RIMS2: variants seen among roughly 807,000 people sequenced by gnomAD.
RIMS2 encodes regulating synaptic membrane exocytosis 2.
Under a neutral mutation model 174.4 loss-of-function variants are expected in RIMS2, and 59 were observed. The observed-to-expected ratio is 0.34, with a 90% confidence interval of 0.27 to 0.42. The LOEUF is 0.42. RIMS2 is among the 10% of genes least tolerant of loss of function. RIMS2 has a pLI of 1.00. For missense variants in RIMS2, 1,620 were observed against 1,666.3 expected (o/e 0.97, Z 0.48); for synonymous variants, 606 against 572.5 (o/e 1.06, Z -0.84).
At chr8:103,672,258 A>G (rs1214959838) in intron 1 of RIMS2, among the ~76,000 whole-genome samples, 4 of 151,796 alleles carry the variant, frequency 2.6e-5, no homozygotes, top group Non-Finnish European at 5.9e-5. Flanking sequence ...TTTATCTACT[A>G]TCTCTTATTA....
chr8:103,977,568 C>G (rs1197396704), intron 16 of RIMS2: 1 of 152,170 alleles, frequency 6.6e-6, no homozygotes, highest in Non-Finnish European at 1.5e-5. Flanking sequence ...GACTTGCCAG[C>G]AGAAAGCACC....
At position 104,217,478 on chromosome 8, in the gene RIMS2, A is replaced by C. The variant is rs988743053; in HGVS notation, c.3335-27438A>C. On this transcript the variant is annotated intron_variant, in intron 19 of 23. Transcript: ENST00000504942. Reference sequence around the variant, plus strand: ...GAGATAAGGTTTCACCTTGTTGCCCAGACTGGTCTTGAGCTCCTGAGCTCA... The same window carrying C: ...GAGATAAGGTTTCACCTTGTTGCCCCGACTGGTCTTGAGCTCCTGAGCTCA... 3.3e-5 allele frequency among the ~76,000 whole-genome samples: 5 copies of C among 152,170 alleles called. No homozygotes were observed. In the South Asian group the frequency reaches 1.0e-3, roughly 31 times the overall value.
At chr8:104,165,392 C>T (rs1318757140) in intron 19 of RIMS2, among the ~76,000 whole-genome samples, 1 of 151,888 alleles carries the variant, frequency 6.6e-6, no homozygotes, top group East Asian at 1.9e-4. Flanking sequence ...TTCCTTAGAC[C>T]TACTTCTTAG....
At chr8:103,807,114 A>G (rs977609989) in intron 3 of RIMS2, among the ~76,000 whole-genome samples, 1 of 152,132 alleles carries the variant, frequency 6.6e-6, no homozygotes, top group African/African-American at 2.4e-5. Flanking sequence ...AGCTGTAAAT[A>G]AAAAGAGCAG....
chr8:103,961,279 C>A, intron 15 of RIMS2, 146 bp downstream of exon 17: 2 of 573,754 alleles, frequency 3.5e-6, no homozygotes, highest in Non-Finnish European at 3.1e-6. Context: ...ACAACTTAAA[C>A]CCCTGAGTAA....
intron 3 of RIMS2, among the ~76,000 whole-genome samples, chr8:103,785,730 T>C (rs1002922667): frequency 1.3e-5 from 2 of 152,232 alleles, no homozygotes; most frequent in Non-Finnish European, 2.9e-5. Context: ...TCTAAAAATC[T>C]CTTTGTTTGT....
intron 19 of RIMS2, among the ~76,000 whole-genome samples, chr8:104,027,170 A>G (rs4573242): frequency 0.18 from 27,136 of 152,178 alleles, 2,747 homozygotes; most frequent in South Asian, 0.34. Flanking sequence ...CAATTCAGTC[A>G]TCCGGTATTT....
At chr8:104,133,166 G>A (rs964769295) in intron 19 of RIMS2, among the ~76,000 whole-genome samples, 2 of 152,142 alleles carry the variant, frequency 1.3e-5, no homozygotes, top group African/African-American at 4.8e-5. Context: ...ATCTGTATTT[G>A]TACCATTTTA....
intron 19 of RIMS2, among the ~76,000 whole-genome samples, chr8:104,202,948 C>T (rs929989563): frequency 6.6e-5 from 10 of 152,148 alleles, no homozygotes; most frequent in African/African-American, 1.9e-4. Flanking sequence ...ACTCTCATGA[C>T]CCTGGAAGTA....
intron 1 of RIMS2, among the ~76,000 whole-genome samples, chr8:103,641,648 G>A (rs974243725): frequency 2.6e-5 from 4 of 152,072 alleles, no homozygotes; most frequent in Non-Finnish European, 5.9e-5. Flanking sequence ...TCATGGAGGT[G>A]TATCCCTCAT....
At chr8:104,188,971 T>C (rs2098983527) in intron 19 of RIMS2, among the ~76,000 whole-genome samples, 1 of 152,014 alleles carries the variant, frequency 6.6e-6, no homozygotes, top group Non-Finnish European at 1.5e-5. Context: ...CACCAATGTC[T>C]ACAAATTGTT....
chr8:104,206,707 T>C (rs551707633), intron 19 of RIMS2, among the ~76,000 whole-genome samples: 8 of 152,196 alleles, frequency 5.3e-5, no homozygotes, highest in Non-Finnish European at 1.0e-4. Context: ...CTGGGACATA[T>C]ACCCAAGCCT....
intron 19 of RIMS2, among the ~76,000 whole-genome samples, chr8:104,030,998 A>G (rs1417878186): frequency 6.6e-6 from 1 of 152,120 alleles, no homozygotes; most frequent in Non-Finnish European, 1.5e-5. Flanking sequence ...GGTGCTGAAT[A>G]TATATTTATT....
chr8:104,118,103 A>ATAAG (rs2098309655), intron 19 of RIMS2, among the ~76,000 whole-genome samples: 1 of 152,186 alleles, frequency 6.6e-6, no homozygotes, highest in South Asian at 2.1e-4. Context: ...AATACTTCCA[A>ATAAG]TAAGTAACAA....
chr8:103,769,241 G>A (rs886370380), intron 3 of RIMS2, among the ~76,000 whole-genome samples: 7 of 152,148 alleles, frequency 4.6e-5, no homozygotes, highest in Non-Finnish European at 1.0e-4. Flanking sequence ...AGTTACGTGT[G>A]TTAAAAATAA....
intron 16 of RIMS2, among the ~76,000 whole-genome samples, chr8:103,981,115 G>A (rs576264371): frequency 7.9e-5 from 12 of 152,240 alleles, no homozygotes; most frequent in Admixed American, 3.3e-4. Context: ...GGTTACAGTC[G>A]GCCTTGGGCA....
intron 17 of RIMS2, among the ~76,000 whole-genome samples, chr8:104,003,889 G>A (rs910085624): frequency 1.3e-5 from 2 of 152,170 alleles, no homozygotes; most frequent in Admixed American, 1.3e-4. Flanking sequence ...GCAAAAGAGA[G>A]ACATGTAGTA....
intron 3 of RIMS2, among the ~76,000 whole-genome samples, chr8:103,794,998 T>C (rs1369502243): frequency 2.0e-5 from 3 of 152,230 alleles, no homozygotes; most frequent in Non-Finnish European, 4.4e-5. Context: ...GACTGTAAAC[T>C]AGTTCAACCA....
intron 1 of RIMS2, among the ~76,000 whole-genome samples, chr8:103,580,156 A>G (rs1192160253): frequency 2.0e-5 from 3 of 152,096 alleles, no homozygotes; most frequent in Non-Finnish European, 4.4e-5. Flanking sequence ...CCAGAAAACA[A>G]GCAACAATTG....
Sources: allele counts gnomAD v4.1 joint callset (sites outside exome capture counted in the v4.1 genomes callset), GRCh38; gene constraint gnomAD v4.1.1; transcripts MANE v1.5; gene names NCBI Gene and HGNC (gene_info 2026-07-23, HGNC 2026-07-21).